FAM114A1: variants seen among roughly 807,000 people sequenced by gnomAD.
FAM114A1 encodes the protein protein NOXP20.
A neutral mutation model predicts 64.3 loss-of-function variants in FAM114A1; 62 were observed. The observed-to-expected ratio is 0.96, with a 90% confidence interval of 0.79 to 1.19. The LOEUF (loss-of-function observed/expected upper bound fraction) is 1.19. FAM114A1 is among the 50% of genes most tolerant of loss of function. The pLI, the probability that FAM114A1 is intolerant of heterozygous loss-of-function variation, is 0.00. For missense variants in FAM114A1, 645 were observed against 676.3 expected, an observed-to-expected ratio of 0.95 and a Z score of 0.51; for synonymous variants, 254 against 251.1, an observed-to-expected ratio of 1.01 and a Z score of -0.11.
chr4:38,868,021 G>A (rs1396054837), intron 1 of FAM114A1, 187 bp downstream of exon 1: 1 of 422,336 alleles, frequency 2.4e-6, no homozygotes, highest in South Asian at 1.7e-5. Flanking sequence ...GGTCTGGGGC[G>A]GCGCGGCCGA....
intron 7 of FAM114A1, among the ~76,000 whole-genome samples, chr4:38,913,000 C>A (rs16994931): frequency 7.9e-5 from 12 of 152,268 alleles, no homozygotes; most frequent in Non-Finnish European, 1.0e-4. Flanking sequence ...ATTCTCTTTG[C>A]GGCCCTGTGG....
At chr4:38,876,988 A>C (rs1361237373) in intron 2 of FAM114A1, among the ~76,000 whole-genome samples, 1 of 152,176 alleles carries the variant, frequency 6.6e-6, no homozygotes, top group East Asian at 1.9e-4. Context: ...AACTCAGATG[A>C]TCTAAAATAA....
At chr4:38,920,814 T>C (rs889914364) in intron 8 of FAM114A1, among the ~76,000 whole-genome samples, 6 of 152,008 alleles carry the variant, frequency 3.9e-5, no homozygotes, top group Admixed American at 3.3e-4. Flanking sequence ...AAATGAAGAG[T>C]CTGAGAAGGT....
At chr4:38,940,852 TC>T in intron 13 of FAM114A1, 115 bp from the exon 14 acceptor site, 1 of 1,066,464 alleles carries the variant, frequency 9.4e-7, no homozygotes, top group East Asian at 2.4e-5. Flanking sequence ...GCATTCTGCT[TC>T]CCCTCCTCTT....
At chr4:38,891,931 G>T (rs543474394) in intron 4 of FAM114A1, 101 bp downstream of exon 4, 1 of 1,022,914 alleles carries the variant, frequency 9.8e-7, no homozygotes, top group Non-Finnish European at 1.4e-6. Flanking sequence ...ACATTAGCCC[G>T]TGAGCAAACC....
chr4:38,895,528 C>A (rs920191057), intron 4 of FAM114A1, among the ~76,000 whole-genome samples: 8 of 152,156 alleles, frequency 5.3e-5, no homozygotes, highest in Non-Finnish European at 2.9e-5. Context: ...GATAGAGTAA[C>A]CTAATCACAG....
intron 4 of FAM114A1, among the ~76,000 whole-genome samples, chr4:38,893,851 G>A (rs371745390): frequency 1.3e-5 from 2 of 152,112 alleles, no homozygotes; most frequent in Admixed American, 6.5e-5. Context: ...AGTAGATGGC[G>A]CTGACTTTAC....
intron 4 of FAM114A1, among the ~76,000 whole-genome samples, chr4:38,893,505 C>T (rs528848229): frequency 2.0e-5 from 3 of 152,272 alleles, no homozygotes; most frequent in Non-Finnish European, 2.9e-5. Context: ...TAAGTTCCTG[C>T]CACAGTAAAC....
At chr4:38,886,927 CAAAAA>C (rs570020908) in intron 3 of FAM114A1, among the ~76,000 whole-genome samples, 1 of 58,912 alleles carries the variant, frequency 1.7e-5, no homozygotes, top group African/African-American at 5.5e-5. Flanking sequence ...GACTCCGTCT[CAAAAA>C]AAAAAAAAAA....
intron 3 of FAM114A1, among the ~76,000 whole-genome samples, chr4:38,880,074 TAAATAAAATAAAATA>T (rs60653462): frequency 0.065 from 8,495 of 130,658 alleles, 581 homozygotes; most frequent in Non-Finnish European, 0.078. Context: ...CTCAAAAAAA[TAAATAAAATAAAATA>T]AAATAAAATA....
At chr4:38,905,369 A>C (rs942389122) in intron 4 of FAM114A1, among the ~76,000 whole-genome samples, 153 bp from the exon 5 acceptor site, 4 of 152,020 alleles carry the variant, frequency 2.6e-5, no homozygotes, top group Non-Finnish European at 5.9e-5. Context: ...ACTGCACTCC[A>C]GCCTGGGTGA....
Position 38,932,336 on chromosome 4 carries a change from G to A in FAM114A1, c.1425G>A (p.Glu475=). ...AATTAATTCTTCATGGACAAGAAGA[G>A]GAAAAACCAGCTCAGGACCAAGCAA... ...VAELILHGQE[E]EKPAQDQAKV... The change falls in exon 12 of 15, where the codon GAG becomes GAA. Residue 475 remains glutamate, a synonymous_variant. Transcript: ENST00000358869. The A allele has an allele frequency of 6.2e-7, 1 of 1,612,376 alleles. No individual in the cohort carries two copies. Among genetic ancestry groups the A allele is most frequent in the Non-Finnish European group, 8.5e-7 (1 of 1,179,588 alleles).
intron 8 of FAM114A1, among the ~76,000 whole-genome samples, chr4:38,921,993 G>A (rs1707969850): frequency 6.6e-6 from 1 of 152,158 alleles, no homozygotes; most frequent in Non-Finnish European, 1.5e-5. Context: ...CCAGGTTGGA[G>A]TGCAGTGGCG....
chr4:38,917,803 G>A (rs1157801942), intron 8 of FAM114A1, among the ~76,000 whole-genome samples: 8 of 152,248 alleles, frequency 5.3e-5, no homozygotes, highest in African/African-American at 7.2e-5. Context: ...GGAACAGTTT[G>A]CCCATTGCCT....
chr4:38,928,257 T>C (rs992167862), intron 9 of FAM114A1, among the ~76,000 whole-genome samples: 1 of 152,188 alleles, frequency 6.6e-6, no homozygotes, highest in South Asian at 2.1e-4. Flanking sequence ...CTTAGAGAGT[T>C]CTGAGATCAT....
chr4:38,881,823 C>T (rs1000935205), intron 3 of FAM114A1, among the ~76,000 whole-genome samples: 6 of 152,166 alleles, frequency 3.9e-5, no homozygotes, highest in Non-Finnish European at 7.3e-5. Flanking sequence ...ACAACTCTTT[C>T]CCTGTTGCTC....
At chr4:38,923,904 T>C (rs185053645) in intron 9 of FAM114A1, among the ~76,000 whole-genome samples, 1 of 152,294 alleles carries the variant, frequency 6.6e-6, no homozygotes, top group East Asian at 1.9e-4. Flanking sequence ...GGTTGTCCAT[T>C]TGGGAGCAGA....
intron 1 of FAM114A1, chr4:38,868,117 C>T (rs1331465758): frequency 3.7e-6 from 1 of 269,604 alleles, no homozygotes. Flanking sequence ...ACCCACACGC[C>T]CACACTCAGG....
chr4:38,900,459 G>A (rs1429406017), intron 4 of FAM114A1, among the ~76,000 whole-genome samples: 1 of 152,136 alleles, frequency 6.6e-6, no homozygotes, highest in Non-Finnish European at 1.5e-5. Flanking sequence ...GATCATAGCA[G>A]CATTATTCAC....
Sources: allele counts gnomAD v4.1 joint callset (sites outside exome capture counted in the v4.1 genomes callset), GRCh38; gene constraint gnomAD v4.1.1; transcripts MANE v1.5; gene names NCBI Gene and HGNC (gene_info 2026-07-23, HGNC 2026-07-21).